Variants in ASAP1 observed in about 807,000 individuals in gnomAD.
ASAP1 encodes the protein arf-GAP with SH3 domain, ANK repeat and PH domain-containing protein 1.
In ASAP1, 43 loss-of-function variants were observed where a neutral mutation model predicts 145.2. The observed-to-expected ratio is 0.30, with a 90% CI of 0.23 to 0.38. ASAP1 has a LOEUF of 0.38. ASAP1 is among the 10% of genes least tolerant of loss of function. The probability of loss-of-function intolerance (pLI) is 1.00; values close to 1 mark genes in which losing one functional copy is unlikely to be tolerated. For missense variants in ASAP1, 1,018 were observed against 1,355.3 expected, an observed-to-expected ratio of 0.75 and a Z score of 3.91; for synonymous variants, 546 against 515.5, an observed-to-expected ratio of 1.06 and a Z score of -0.80.
intron 3 of ASAP1, among the ~76,000 whole-genome samples, chr8:130,301,948 G>A (rs143191010): frequency 1.3e-5 from 2 of 152,366 alleles, no homozygotes; most frequent in East Asian, 3.8e-4. Context: ...TGAGAAGACT[G>A]TAACCTCCAC....
chr8:130,152,670 T>C, intron 13 of ASAP1, 66 bp downstream of exon 13: 2 of 1,148,868 alleles, frequency 1.7e-6, no homozygotes, highest in Non-Finnish European at 2.5e-6. Flanking sequence ...CAATTTTTAC[T>C]GCTGAGTACA....
intron 7 of ASAP1, among the ~76,000 whole-genome samples, chr8:130,182,993 CT>C (rs1260639123): frequency 5.3e-4 from 81 of 151,734 alleles, no homozygotes; most frequent in African/African-American, 1.9e-3. Context: ...ATTTTAAGAA[CT>C]GTCTAGGAAG....
intron 4 of ASAP1, among the ~76,000 whole-genome samples, chr8:130,226,851 T>C (rs527301239): frequency 1.3e-5 from 2 of 152,320 alleles, no homozygotes; most frequent in African/African-American, 4.8e-5. Flanking sequence ...CACAATACAC[T>C]TTGGTTTACT....
At chr8:130,234,409 C>G (rs1818090843) in intron 4 of ASAP1, among the ~76,000 whole-genome samples, 1 of 152,066 alleles carries the variant, frequency 6.6e-6, no homozygotes, top group African/African-American at 2.4e-5. Context: ...ATTCAATGTT[C>G]AATAAGCTGT....
intron 2 of ASAP1, among the ~76,000 whole-genome samples, chr8:130,365,275 C>G (rs1288380537): frequency 6.6e-6 from 1 of 152,224 alleles, no homozygotes; most frequent in Admixed American, 6.5e-5. Flanking sequence ...GCTATTCAGT[C>G]AGTCTGAATC....
At chr8:130,277,144 C>T (rs928830903) in intron 3 of ASAP1, among the ~76,000 whole-genome samples, 3 of 152,130 alleles carry the variant, frequency 2.0e-5, no homozygotes, top group Non-Finnish European at 4.4e-5. Context: ...TAGTTGATTA[C>T]GATGCATGCT....
chr8:130,305,631 C>G (rs1029233461), intron 3 of ASAP1, among the ~76,000 whole-genome samples: 3 of 152,180 alleles, frequency 2.0e-5, no homozygotes, highest in Non-Finnish European at 4.4e-5. Flanking sequence ...CCCTCGGCCT[C>G]CCAAAGTGCT....
intron 24 of ASAP1, among the ~76,000 whole-genome samples, chr8:130,100,138 A>G (rs936299754): frequency 8.5e-5 from 13 of 152,176 alleles, no homozygotes; most frequent in Admixed American, 1.3e-4. Flanking sequence ...CCAACATTAT[A>G]TAAGAGTTCC....
intron 7 of ASAP1, among the ~76,000 whole-genome samples, chr8:130,185,983 G>A (rs1814700719): frequency 6.6e-6 from 1 of 152,096 alleles, no homozygotes; most frequent in Admixed American, 6.6e-5. Flanking sequence ...ATCATGTTTC[G>A]TTGTTCCTAT....
intron 3 of ASAP1, among the ~76,000 whole-genome samples, chr8:130,316,334 C>T (rs1372090565): frequency 6.6e-6 from 1 of 152,102 alleles, no homozygotes; most frequent in Non-Finnish European, 1.5e-5. Context: ...TCAACTTCTC[C>T]ACCTCCTCAC....
At chr8:130,418,299 C>G (rs1372758581) in intron 1 of ASAP1, among the ~76,000 whole-genome samples, 1 of 152,184 alleles carries the variant, frequency 6.6e-6, no homozygotes, top group Non-Finnish European at 1.5e-5. Context: ...CCTGTAATCC[C>G]AGCACTTTGG....
At position 130,180,836 on chromosome 8, in the gene ASAP1, C is replaced by T; in HGVS notation, c.575G>A (p.Gly192Glu). The change falls in exon 8 of 30, where the codon GGG becomes GAG. Residue 192 changes from glycine to glutamate, a missense_variant. By Grantham distance (98) the Gly-to-Glu change is moderately conservative. Transcript: ENST00000518721. ...KEKREHAKQH[G>E]MIRTEITGAE... is the part of the protein sequence containing the mutation. ...TCCTGTTATCTCTGTGCGGATCATC[C>T]CATGTTGTTTTGCGTGCTCTCTTTT... 6.2e-7 allele frequency: 1 copy of T among 1,613,504 alleles called. No homozygotes were observed. The highest frequency in any genetic ancestry group is 2.2e-5 in the East Asian group (1 of 44,880).
intron 9 of ASAP1, 98 bp downstream of exon 9, chr8:130,179,166 C>G: frequency 1.5e-6 from 1 of 686,678 alleles, no homozygotes; most frequent in Non-Finnish European, 2.4e-6. Context: ...TTTATTTAGT[C>G]ACGAGATGAA....
At chr8:130,171,127 T>C (rs1813571567) in intron 9 of ASAP1, among the ~76,000 whole-genome samples, 1 of 152,166 alleles carries the variant, frequency 6.6e-6, no homozygotes, top group South Asian at 2.1e-4. Context: ...AATACTTCTG[T>C]TTTATCTCTT....
At position 130,132,905 on chromosome 8, in the gene ASAP1, T is replaced by C. The variant is rs368459708; in HGVS notation, c.1217+1391A>G. 2.4e-4 allele frequency among the ~76,000 whole-genome samples: 36 copies of C among 152,342 alleles called. 1 individual carries two copies. The East Asian group carries it at 3.1e-3, about 13-fold the overall frequency. On this transcript the variant is annotated intron_variant, in intron 15 of 29. Coordinates refer to ENST00000518721, the MANE Select transcript of ASAP1 (RefSeq NM_018482.4). ...TCTTCTCTTTCTGATCCTTTATCAT[T>C]TCTCCTTTGAAATGGGAAAAGAGTA...
chr8:130,304,186 T>C (rs1337292965), intron 3 of ASAP1, among the ~76,000 whole-genome samples: 1 of 152,010 alleles, frequency 6.6e-6, no homozygotes, highest in African/African-American at 2.4e-5. Flanking sequence ...TGGAGTAGTC[T>C]TTTTTGCCTT....
At chr8:130,366,780 A>C (rs985604710) in intron 2 of ASAP1, among the ~76,000 whole-genome samples, 6 of 152,080 alleles carry the variant, frequency 3.9e-5, no homozygotes, top group Non-Finnish European at 5.9e-5. Flanking sequence ...GAAATGAGAT[A>C]ATCTGTGCAA....
intron 4 of ASAP1, among the ~76,000 whole-genome samples, chr8:130,219,419 C>T (rs1817152843): frequency 6.6e-6 from 1 of 152,106 alleles, no homozygotes; most frequent in South Asian, 2.1e-4. Flanking sequence ...GTACAGTAAG[C>T]CATCTGAGGG....
intron 3 of ASAP1, among the ~76,000 whole-genome samples, chr8:130,261,229 G>A (rs1329674170): frequency 6.6e-6 from 1 of 152,256 alleles, no homozygotes; most frequent in East Asian, 1.9e-4. Flanking sequence ...CGATGTATGT[G>A]TACACATGAC....
Sources: allele counts gnomAD v4.1 joint callset (sites outside exome capture counted in the v4.1 genomes callset), GRCh38; gene constraint gnomAD v4.1.1; transcripts MANE v1.5; gene names NCBI Gene and HGNC (gene_info 2026-07-23, HGNC 2026-07-21).